TRIM24: variants seen among roughly 807,000 people sequenced by gnomAD.
TRIM24 encodes the protein transcription intermediary factor 1-alpha.
In TRIM24, 29 loss-of-function variants were observed where a neutral mutation model predicts 123.9. That is an observed-to-expected ratio of 0.23 (90% CI 0.17 to 0.32). TRIM24 has a LOEUF of 0.32. Ranked by LOEUF, TRIM24 falls within the 10% of genes least tolerant of loss-of-function variation. The pLI is 1.00. For synonymous variants in TRIM24, 456 were observed against 461.1 expected (o/e 0.99, Z 0.14); for missense variants, 932 against 1,295.3 (o/e 0.72, Z 4.31).
At chr7:138,504,853 T>A (rs1796117576) in intron 2 of TRIM24, among the ~76,000 whole-genome samples, 1 of 151,122 alleles carries the variant, frequency 6.6e-6, no homozygotes. Flanking sequence ...CTCCTCCTCC[T>A]GGGTTTGAGT....
rs758701258 is a variant in TRIM24 at position 138,538,726 on chromosome 7, T to C, written c.1066T>C (p.Leu356=). Residue 356 remains leucine (L), a synonymous_variant, in exon 7 of 19, where the codon TTG becomes CTG. Coordinates refer to ENST00000343526, the MANE Select transcript of TRIM24 (RefSeq NM_015905.3). ...QQEVAGLSKQ[L]EHVMHFSKWA... is the part of the protein sequence containing the mutation. ...GGAAGTGGCTGGACTCTCTAAACAA[T>C]TGGAGCATGTCATGCATTTTTCTAA... 4.3e-6 allele frequency: 7 copies of C among 1,614,014 alleles called. No individual in the cohort carries two copies. Among genetic ancestry groups the C allele is most frequent in the Middle Eastern group, 1.6e-4 (1 of 6,082 alleles).
intron 1 of TRIM24, among the ~76,000 whole-genome samples, chr7:138,500,214 A>G (rs925599790): frequency 7.2e-5 from 11 of 152,192 alleles, no homozygotes; most frequent in Non-Finnish European, 1.3e-4. Flanking sequence ...GAGATAACAA[A>G]TCATATTCAC....
At chr7:138,511,544 C>T (rs1158537517) in intron 2 of TRIM24, among the ~76,000 whole-genome samples, 2 of 152,144 alleles carry the variant, frequency 1.3e-5, no homozygotes, top group African/African-American at 4.8e-5. Flanking sequence ...CCCGCCTCAG[C>T]CTCCCAAAGT....
At chr7:138,527,979 T>C (rs1796646233) in intron 5 of TRIM24, among the ~76,000 whole-genome samples, 1 of 152,198 alleles carries the variant, frequency 6.6e-6, no homozygotes, top group Admixed American at 6.5e-5. Context: ...GAAACAAGCT[T>C]ACAGTGGCGT....
At chr7:138,527,172 CT>C (rs1359708321) in intron 5 of TRIM24, among the ~76,000 whole-genome samples, 4 of 152,022 alleles carry the variant, frequency 2.6e-5, no homozygotes, top group African/African-American at 9.7e-5. Context: ...TTGTGTTTTT[CT>C]CATTGCTAGT....
intron 12 of TRIM24, among the ~76,000 whole-genome samples, chr7:138,575,307 T>G (rs1797733451): frequency 6.6e-6 from 1 of 152,198 alleles, no homozygotes; most frequent in Non-Finnish European, 1.5e-5. Flanking sequence ...ATAGCCATTG[T>G]TTTGATTGAT....
intron 3 of TRIM24, among the ~76,000 whole-genome samples, chr7:138,516,942 A>C (rs1300175549): frequency 6.6e-6 from 1 of 151,192 alleles, no homozygotes; most frequent in Non-Finnish European, 1.5e-5. Context: ...AACCCTATCT[A>C]CAAAAAAAAA....
chr7:138,481,586 C>T (rs1283207305), intron 1 of TRIM24, among the ~76,000 whole-genome samples: 1 of 151,882 alleles, frequency 6.6e-6, no homozygotes. Context: ...GAGGATCACT[C>T]GAGCCCAGGA....
intron 1 of TRIM24, among the ~76,000 whole-genome samples, chr7:138,486,608 T>G (rs77747050): frequency 0.43 from 65,741 of 151,682 alleles, 15,001 homozygotes; most frequent in African/African-American, 0.48. Context: ...TTTCCCCATT[T>G]CTTGTTTTTG....
intron 15 of TRIM24, among the ~76,000 whole-genome samples, chr7:138,579,828 TG>T (rs1240343843): frequency 2.6e-5 from 4 of 152,028 alleles, no homozygotes; most frequent in Non-Finnish European, 5.9e-5. Context: ...GAGGCTGAGG[TG>T]GGAGGATTGG....
chr7:138,499,467 G>A (rs535581908), intron 1 of TRIM24, among the ~76,000 whole-genome samples: 2 of 152,118 alleles, frequency 1.3e-5, no homozygotes, highest in African/African-American at 4.8e-5. Context: ...ATTGCAAATC[G>A]GTCCCTCAAG....
At chr7:138,508,708 C>A (rs62487623) in intron 2 of TRIM24, among the ~76,000 whole-genome samples, 2 of 136,286 alleles carry the variant, frequency 1.5e-5, no homozygotes, top group African/African-American at 2.7e-5. Context: ...CGCGTGTGTG[C>A]GTGTGTGTGT....
chr7:138,494,044 C>T (rs967216062), intron 1 of TRIM24, among the ~76,000 whole-genome samples: 14 of 151,806 alleles, frequency 9.2e-5, no homozygotes, highest in African/African-American at 2.9e-4. Context: ...TGCAATGGCG[C>T]GATCTCAGCT....
chr7:138,461,266 T>C (rs763675725), intron 1 of TRIM24: 1 of 571,734 alleles, frequency 1.7e-6, no homozygotes, highest in East Asian at 4.5e-5. Flanking sequence ...GCCAGTTAAC[T>C]GCTACCCGCC....
intron 16 of TRIM24, 130 bp from the exon 17 acceptor site, chr7:138,581,567 T>C: frequency 4.3e-6 from 3 of 703,512 alleles, no homozygotes; most frequent in Non-Finnish European, 6.8e-6. Context: ...GAATCAGTAA[T>C]TTTTTTGTAT....
intron 1 of TRIM24, among the ~76,000 whole-genome samples, chr7:138,493,066 A>C (rs1795829277): frequency 6.6e-6 from 1 of 151,754 alleles, no homozygotes; most frequent in Non-Finnish European, 1.5e-5. Context: ...TCAGCTTCAG[A>C]ATTTCTTTTT....
intron 4 of TRIM24, among the ~76,000 whole-genome samples, chr7:138,523,851 C>T (rs779958915): frequency 1.3e-5 from 2 of 150,546 alleles, no homozygotes; most frequent in Non-Finnish European, 3.0e-5. Flanking sequence ...GCCAGCATAA[C>T]CTTTACACCA....
chr7:138,509,305 T>TTA (rs1271579951), intron 2 of TRIM24, among the ~76,000 whole-genome samples: 1 of 149,088 alleles, frequency 6.7e-6, no homozygotes, highest in East Asian at 1.9e-4. Context: ...AAAAAAAAGT[T>TTA]TATATATATG....
intron 17 of TRIM24, among the ~76,000 whole-genome samples, chr7:138,582,304 A>C (rs1379886534): frequency 6.6e-6 from 1 of 152,178 alleles, no homozygotes; most frequent in South Asian, 2.1e-4. Context: ...GCACTTTGGG[A>C]GGCCGAGGCG....
Sources: gnomAD v4.1 joint callset for allele counts (sites outside exome capture counted in the v4.1 genomes callset) on GRCh38, gnomAD v4.1.1 for gene constraint, MANE v1.5 for transcripts, NCBI Gene and HGNC (gene_info 2026-07-23, HGNC 2026-07-21) for gene names.